Variants in TMEM236 observed in about 807,000 individuals in gnomAD.
The protein encoded by TMEM236 is transmembrane protein 236.
In TMEM236, 11 loss-of-function variants were observed where a neutral mutation model predicts 14.7. The ratio of observed to expected loss-of-function variants is 0.75; its 90% CI spans 0.47 to 1.24. The LOEUF is 1.24. Among genes scored for constraint, TMEM236 ranks in the 50% most tolerant of loss-of-function variants. The pLI is 0.00. For synonymous variants in TMEM236, 182 were observed against 168.6 expected, an observed-to-expected ratio of 1.08 and a Z score of -0.62; for missense variants, 464 against 427.3, an observed-to-expected ratio of 1.09 and a Z score of -0.76.
chr10:17,764,743 A>G (rs1837432799), intron 1 of TMEM236, among the ~76,000 whole-genome samples: 1 of 151,712 alleles, frequency 6.6e-6, no homozygotes, highest in Non-Finnish European at 1.5e-5. Context: ...CTGTAGATGC[A>G]TCACTCTGAT....
chr10:17,786,751 G>C (rs1837843458), intron 3 of TMEM236, among the ~76,000 whole-genome samples: 3 of 152,152 alleles, frequency 2.0e-5, no homozygotes. Context: ...CCCTGATATG[G>C]TTTGGCTGTG....
chr10:17,783,143 G>A (rs1351639682), intron 3 of TMEM236, among the ~76,000 whole-genome samples: 7 of 152,158 alleles, frequency 4.6e-5, no homozygotes, highest in African/African-American at 1.4e-4. Context: ...GATGGGAGCC[G>A]AATGATATCA....
In TMEM236 at chr10:17,752,280, C is replaced by T; in HGVS notation, c.-16C>T. ...AGAGGGAGTCCCAGGTTCTTGGCAGCTTGCTTTTCCTCAGGATGGCTTCTG... is the reference window on the plus strand; with the variant it reads ...AGAGGGAGTCCCAGGTTCTTGGCAGTTTGCTTTTCCTCAGGATGGCTTCTG... On this transcript the variant is annotated 5_prime_UTR_variant, in exon 1 of 4. Coordinates refer to ENST00000377495, the MANE Select transcript of TMEM236 (RefSeq NM_001098844.3). 6.2e-7 allele frequency: 1 copy of T among 1,613,942 alleles called. No homozygotes were observed. Among genetic ancestry groups the T allele is most frequent in the South Asian group, 1.1e-5 (1 of 91,064 alleles).
At chr10:17,790,044 CA>C (rs1220137946) in intron 3 of TMEM236, among the ~76,000 whole-genome samples, 1 of 151,462 alleles carries the variant, frequency 6.6e-6, no homozygotes, top group African/African-American at 2.4e-5. Flanking sequence ...AAGAATAAAA[CA>C]AAAAAACAAA....
intron 1 of TMEM236, among the ~76,000 whole-genome samples, chr10:17,765,777 A>G (rs1837453178): frequency 6.6e-6 from 1 of 152,186 alleles, no homozygotes. Flanking sequence ...TCAGCCTTGC[A>G]TGGTCATAGC....
In TMEM236 at chr10:17,796,041, C is replaced by T. The variant is rs913066435; in HGVS notation, c.593C>T (p.Ser198Leu). ...CAGGCAACCAACAGCACCCAGGTGT[C>T]GCAGCCATCAGGAGCCATGACACGG... ...SPQATNSTQV[S>L]QPSGAMTRSQ... is the part of the protein sequence containing the mutation. The change falls in exon 4 of 4, where the codon TCG becomes TTG. Residue 198 changes from serine (S) to leucine (L), a missense_variant. By Grantham distance (145) the Ser-to-Leu change is moderately radical. Coordinates refer to ENST00000377495, the MANE Select transcript of TMEM236 (RefSeq NM_001098844.3). 2.2e-5 allele frequency: 35 copies of T among 1,613,798 alleles called. No individual in the cohort carries two copies. The highest frequency in any genetic ancestry group is 8.0e-5 in the African/African-American group (6 of 74,900).
intron 3 of TMEM236, among the ~76,000 whole-genome samples, chr10:17,781,745 C>CAA (rs67839025): frequency 0.056 from 5,454 of 96,734 alleles, 146 homozygotes; most frequent in Non-Finnish European, 0.084. Flanking sequence ...ACCTCTGTCT[C>CAA]AAAAAAAAAA....
intron 2 of TMEM236, among the ~76,000 whole-genome samples, chr10:17,773,287 C>G (rs1375124521): frequency 6.6e-6 from 1 of 152,144 alleles, no homozygotes; most frequent in Non-Finnish European, 1.5e-5. Context: ...TCTATAGCAT[C>G]TCTATAGAAC....
intron 1 of TMEM236, among the ~76,000 whole-genome samples, chr10:17,768,239 A>G (rs1451267783): frequency 3.9e-5 from 6 of 151,902 alleles, no homozygotes; most frequent in African/African-American, 1.5e-4. Flanking sequence ...GCTTCAAAGA[A>G]AATAAAAAAA....
intron 1 of TMEM236, among the ~76,000 whole-genome samples, chr10:17,768,656 G>C (rs1242017945): frequency 6.6e-6 from 1 of 151,996 alleles, no homozygotes; most frequent in Non-Finnish European, 1.5e-5. Flanking sequence ...GATGAGGAAA[G>C]AGGAAGATGA....
intron 1 of TMEM236, among the ~76,000 whole-genome samples, chr10:17,770,456 T>C (rs1162357713): frequency 3.9e-5 from 6 of 152,160 alleles, no homozygotes; most frequent in Non-Finnish European, 5.9e-5. Flanking sequence ...CAGTCTTGGC[T>C]CACTGCAAGC....
intron 1 of TMEM236, among the ~76,000 whole-genome samples, chr10:17,762,029 C>T (rs1391481387): frequency 6.6e-6 from 1 of 152,166 alleles, no homozygotes; most frequent in Non-Finnish European, 1.5e-5. Context: ...GGAGCTGTCA[C>T]ATTACTGCCT....
At chr10:17,774,244 C>T (rs1297783801) in intron 2 of TMEM236, among the ~76,000 whole-genome samples, 2 of 151,918 alleles carry the variant, frequency 1.3e-5, no homozygotes, top group African/African-American at 4.8e-5. Context: ...GGGGTTTCAA[C>T]ATGTTGGCCA....
intron 2 of TMEM236, among the ~76,000 whole-genome samples, chr10:17,773,606 G>A (rs1472219499): frequency 6.6e-6 from 1 of 152,126 alleles, no homozygotes; most frequent in Non-Finnish European, 1.5e-5. Context: ...CCAAAATGCT[G>A]AGATTACAGG....
At chr10:17,781,867 T>C (rs1442929395) in intron 3 of TMEM236, among the ~76,000 whole-genome samples, 1 of 151,984 alleles carries the variant, frequency 6.6e-6, no homozygotes, top group Non-Finnish European at 1.5e-5. Flanking sequence ...TAAGAGTTGA[T>C]GTTTTATGTG....
intron 1 of TMEM236, among the ~76,000 whole-genome samples, chr10:17,763,451 T>A (rs1405155197): frequency 6.6e-6 from 1 of 152,034 alleles, no homozygotes; most frequent in Non-Finnish European, 1.5e-5. Context: ...AAGAAAACCC[T>A]CAATGCTGAC....
Position 17,796,628 on chromosome 10 carries a change from C to G in TMEM236, c.*124C>G. 1.2e-6 allele frequency: 1 copy of G among 826,786 alleles called. No homozygotes were observed. The highest frequency in any genetic ancestry group is 1.9e-6 in the Non-Finnish European group (1 of 522,248). The allele number at this position is 826,786 out of a possible 1,614,324, so 51.2% of individuals were successfully genotyped here. ...AAATGACTAGATTGTAGAGAATAAG[C>G]CATTTTTACTAACTCTAGCATATCA... On this transcript the variant is annotated 3_prime_UTR_variant, in exon 4 of 4. Transcript: ENST00000377495.
Position 17,758,039 on chromosome 10 carries a change from G to A in TMEM236, c.257+5487G>A, listed in dbSNP as rs1038225715. ...CCACTTTGGTCTCCCAAAGTGCTGGGATTACAGGCGTAAGCCACCAGGTGC... is the reference window on the plus strand; with the variant it reads ...CCACTTTGGTCTCCCAAAGTGCTGGAATTACAGGCGTAAGCCACCAGGTGC... On this transcript the variant is annotated intron_variant, in intron 1 of 3. Coordinates refer to ENST00000377495, the MANE Select transcript of TMEM236 (RefSeq NM_001098844.3). Among the ~76,000 whole-genome samples, 67 of 152,236 alleles carry A rather than the reference G, an allele frequency of 4.4e-4. No homozygotes were observed. In the East Asian group the frequency reaches 9.7e-3, roughly 22 times the overall value.
chr10:17,798,261 G>T lies in TMEM236; in HGVS notation c.*1757G>T. 4.3e-6 allele frequency: 1 copy of T among 230,306 alleles called. No individual in the cohort carries two copies. Among genetic ancestry groups the T allele is most frequent in the African/African-American group, 2.3e-5 (1 of 43,456 alleles). 14.3% of individuals were successfully genotyped at this position (230,306 alleles called of 1,614,324 possible). A position where few individuals can be genotyped will look rare whatever the true frequency, so the allele number is the denominator to read the frequency against. Reference sequence around the variant, plus strand: ...AAGCTTAAGAATTTGACATATGGCCGGCTGTGGTGGCTCACACGTGTAATC... The same window carrying T: ...AAGCTTAAGAATTTGACATATGGCCTGCTGTGGTGGCTCACACGTGTAATC... On this transcript the variant is annotated 3_prime_UTR_variant, in exon 4 of 4. Transcript: ENST00000377495.
Sources: gnomAD v4.1 joint callset for allele counts (sites outside exome capture counted in the v4.1 genomes callset) on GRCh38, gnomAD v4.1.1 for gene constraint, MANE v1.5 for transcripts, NCBI Gene and HGNC (gene_info 2026-07-23, HGNC 2026-07-21) for gene names.